The following SRGAP1 variants were observed in gnomAD, a reference collection of about 807,000 sequenced individuals.
The protein encoded by SRGAP1 is SLIT-ROBO Rho GTPase-activating protein 1.
SRGAP1 carries 43 observed loss-of-function variants against 121.9 expected under a neutral mutation model. That is an observed-to-expected ratio of 0.35 (90% CI 0.28 to 0.46). The LOEUF (loss-of-function observed/expected upper bound fraction) is 0.46, where lower values mean the gene tolerates loss of function less well. Ranked by LOEUF, SRGAP1 falls within the 20% of genes least tolerant of loss-of-function variation. SRGAP1 has a pLI of 1.00. For missense variants in SRGAP1, 1,102 were observed against 1,350.9 expected (o/e 0.82, Z 2.89); for synonymous variants, 447 against 485.4 (o/e 0.92, Z 1.04).
intron 1 of SRGAP1, among the ~76,000 whole-genome samples, chr12:63,972,221 A>C (rs370056345): frequency 6.6e-6 from 1 of 152,252 alleles, no homozygotes; most frequent in Non-Finnish European, 1.5e-5. Flanking sequence ...TAGAGGTATA[A>C]AGAAAATTAA....
In SRGAP1 at chr12:64,086,240, T is replaced by C. The variant is rs78989718; in HGVS notation, c.1409-759T>C. ...GCTGAATGGTTCAATGTTTCCCACA[T>C]TCCTTCCCACTACTCCGCCCTAAAT... On this transcript the variant is annotated intron_variant, in intron 10 of 21. Transcript: ENST00000355086. Among the ~76,000 whole-genome samples the C allele has an allele frequency of 1.7e-3, 254 of 152,328 alleles. 1 individual carries two copies. Among genetic ancestry groups the C allele is most frequent in the African/African-American group, 5.9e-3 (246 of 41,584 alleles).
At chr12:64,061,874 CCTTT>C (rs1404632781) in intron 6 of SRGAP1, among the ~76,000 whole-genome samples, 1 of 152,080 alleles carries the variant, frequency 6.6e-6, no homozygotes. Context: ...GTTCTTCCTT[CCTTT>C]TTGTGGCTGA....
chr12:63,978,571 G>T (rs148818753), intron 1 of SRGAP1, among the ~76,000 whole-genome samples: 45 of 152,272 alleles, frequency 3.0e-4, no homozygotes, highest in African/African-American at 1.1e-3. Context: ...ATTGTGTTGT[G>T]TGGCTATATC....
At chr12:64,052,799 A>G (rs991370063) in intron 6 of SRGAP1, among the ~76,000 whole-genome samples, 5 of 152,152 alleles carry the variant, frequency 3.3e-5, no homozygotes, top group Non-Finnish European at 7.3e-5. Flanking sequence ...TACAGAGTTC[A>G]GAGTAATCTT....
At chr12:64,086,739 A>C (rs1244364654) in intron 10 of SRGAP1, among the ~76,000 whole-genome samples, 2 of 151,136 alleles carry the variant, frequency 1.3e-5, no homozygotes, top group East Asian at 1.9e-4. Flanking sequence ...AAAAAAAAAA[A>C]AAACACAGCC....
chr12:64,075,042 C>T (rs1011530664), intron 8 of SRGAP1, among the ~76,000 whole-genome samples: 1 of 151,960 alleles, frequency 6.6e-6, no homozygotes, highest in African/African-American at 2.4e-5. Flanking sequence ...GAGACCCTAA[C>T]CCAGCGGCGC....
At chr12:64,052,873 G>C (rs2035263548) in intron 6 of SRGAP1, among the ~76,000 whole-genome samples, 1 of 152,024 alleles carries the variant, frequency 6.6e-6, no homozygotes, top group Non-Finnish European at 1.5e-5. Flanking sequence ...GTTTTTTCAT[G>C]AAGAAAAAAT....
At chr12:63,892,239 T>C (rs1900611499) in intron 1 of SRGAP1, among the ~76,000 whole-genome samples, 1 of 152,220 alleles carries the variant, frequency 6.6e-6, no homozygotes, top group Admixed American at 6.5e-5. Context: ...TTAAATGTTC[T>C]GTTTTCAGTT....
At chr12:63,973,783 C>CA (rs896403933) in intron 1 of SRGAP1, among the ~76,000 whole-genome samples, 1 of 151,786 alleles carries the variant, frequency 6.6e-6, no homozygotes, top group African/African-American at 2.4e-5. Flanking sequence ...AATATTTTCC[C>CA]AAAAAAGTTT....
At chr12:64,091,506 C>G (rs1020154912) in intron 12 of SRGAP1, 128 bp downstream of exon 12, 27 of 572,826 alleles carry the variant, frequency 4.7e-5, no homozygotes, top group Non-Finnish European at 7.0e-5. Context: ...CCCAGAAAAT[C>G]AATATAATAT....
In SRGAP1 at chr12:64,152,905, A is replaced by G. The variant is rs2037132155; in HGVS notation, c.*10233A>G. 8.1e-6 allele frequency: 1 copy of G among 122,980 alleles called. No individual in the cohort carries two copies. The highest frequency in any genetic ancestry group is 1.7e-5 in the Non-Finnish European group (1 of 60,396). 7.6% of individuals were successfully genotyped at this position (122,980 alleles called of 1,614,324 possible). Reference sequence around the variant, plus strand: ...GGTCTCATGGAGTGTACTTCCTGGTATGATTTAAAAAAAAAAAAAAAAAAA... The same window carrying G: ...GGTCTCATGGAGTGTACTTCCTGGTGTGATTTAAAAAAAAAAAAAAAAAAA... On this transcript the variant is annotated 3_prime_UTR_variant, in exon 22 of 22. Transcript: ENST00000355086.
intron 10 of SRGAP1, among the ~76,000 whole-genome samples, chr12:64,084,349 G>C (rs533468985): frequency 2.9e-4 from 40 of 137,728 alleles, no homozygotes; most frequent in African/African-American, 1.0e-3. Flanking sequence ...GTGTGGCGAG[G>C]GGAAGGAGTG....
intron 1 of SRGAP1, among the ~76,000 whole-genome samples, chr12:63,897,219 C>T (rs139617371): frequency 6.6e-5 from 10 of 152,288 alleles, no homozygotes; most frequent in African/African-American, 2.4e-4. Flanking sequence ...TATCATCTGA[C>T]ACCTATTGCC....
intron 1 of SRGAP1, among the ~76,000 whole-genome samples, chr12:63,917,187 TAATA>T (rs2030817699): frequency 6.6e-6 from 1 of 152,232 alleles, no homozygotes; most frequent in Non-Finnish European, 1.5e-5. Flanking sequence ...ACAACACTAA[TAATA>T]AATACTGCCT....
intron 6 of SRGAP1, among the ~76,000 whole-genome samples, chr12:64,057,832 T>G (rs762092589): frequency 6.6e-6 from 1 of 152,182 alleles, no homozygotes; most frequent in Non-Finnish European, 1.5e-5. Flanking sequence ...CTTTCCATTC[T>G]CACGACAACT....
At position 63,886,096 on chromosome 12, in the gene SRGAP1, C is replaced by T. The variant is rs915005977; in HGVS notation, c.67+41213C>T. ...TTCCTTTGGAGACCGAGTCTCACTC[C>T]GCTGCCCAGGCTGGAGTGCAGCGGC... On this transcript the variant is annotated intron_variant, in intron 1 of 21. Coordinates refer to ENST00000355086, the MANE Select transcript of SRGAP1 (RefSeq NM_020762.4). 4.6e-5 allele frequency among the ~76,000 whole-genome samples: 7 copies of T among 152,112 alleles called. No homozygotes were observed. In the South Asian group the frequency reaches 8.3e-4, roughly 18 times the overall value.
At chr12:64,102,430 C>T (rs779596208) in intron 15 of SRGAP1, among the ~76,000 whole-genome samples, 6 of 152,192 alleles carry the variant, frequency 3.9e-5, no homozygotes, top group Non-Finnish European at 7.3e-5. Context: ...TACAATTCAT[C>T]CATTAAAGAG....
intron 1 of SRGAP1, among the ~76,000 whole-genome samples, chr12:63,906,283 T>A (rs2030203871): frequency 6.6e-6 from 1 of 152,116 alleles, no homozygotes; most frequent in Non-Finnish European, 1.5e-5. Flanking sequence ...TAAGTCCTTT[T>A]TTTTAATAGT....
chr12:63,994,885 G>A (rs981718825), intron 3 of SRGAP1, among the ~76,000 whole-genome samples: 1 of 152,160 alleles, frequency 6.6e-6, no homozygotes, highest in Non-Finnish European at 1.5e-5. Flanking sequence ...AGAGTACTCT[G>A]CATCTGGTTT....
Sources: allele counts gnomAD v4.1 joint callset (sites outside exome capture counted in the v4.1 genomes callset), GRCh38; gene constraint gnomAD v4.1.1; transcripts MANE v1.5; gene names NCBI Gene and HGNC (gene_info 2026-07-23, HGNC 2026-07-21).